Variants in ATP2B3 observed in about 807,000 individuals in gnomAD.
The protein encoded by ATP2B3 is ATPase plasma membrane Ca2+ transporting 3, also known as plasma membrane calcium-transporting ATPase 3.
A neutral mutation model predicts 70.8 loss-of-function variants in ATP2B3; 12 were observed. The ratio of observed to expected loss-of-function variants is 0.17; its 90% CI spans 0.11 to 0.27. The LOEUF is 0.27. ATP2B3 is among the 10% of genes least tolerant of loss of function. ATP2B3 has a pLI of 1.00. For synonymous variants in ATP2B3, 460 were observed against 497.8 expected (o/e 0.92, Z 1.01); for missense variants, 858 against 1,118.5 (o/e 0.77, Z 3.32).
chrX:153,526,006 G>A (rs897218660), intron 2 of ATP2B3, among the ~76,000 whole-genome samples: 22 of 113,118 alleles, frequency 1.9e-4, no homozygotes, highest in African/African-American at 6.7e-4. Context: ...CCAGGCCACC[G>A]CCTGGCCCTC....
intron 12 of ATP2B3, among the ~76,000 whole-genome samples, chrX:153,552,028 G>T (rs782096265): frequency 8.9e-6 from 1 of 112,603 alleles, no homozygotes; most frequent in Non-Finnish European, 1.9e-5. Context: ...CACCCACAGC[G>T]CTCTCCCAGA....
intron 21 of ATP2B3, 51 bp from the exon 22 acceptor site, chrX:153,579,927 C>T (rs1557022223): frequency 1.8e-6 from 2 of 1,084,441 alleles, no homozygotes; most frequent in Non-Finnish European, 2.5e-6. Flanking sequence ...CCCTTCCTTT[C>T]CTCCCTCCCT....
At chrX:153,555,030 AAGG>A (rs782034435) in intron 13 of ATP2B3, among the ~76,000 whole-genome samples, 30 of 112,325 alleles carry the variant, frequency 2.7e-4, no homozygotes, top group African/African-American at 9.4e-4. Flanking sequence ...CGCTGGCTCA[AAGG>A]AGAATTGTCT....
chrX:153,526,681 C>T (rs1470924841), intron 2 of ATP2B3, among the ~76,000 whole-genome samples: 1 of 112,002 alleles, frequency 8.9e-6, no homozygotes, highest in Non-Finnish European at 1.9e-5. Context: ...CTTCCTCCAT[C>T]ACCACATTTG....
In ATP2B3 at chrX:153,536,419, G is replaced by A. The variant is rs1210021854; in HGVS notation, c.172G>A (p.Gly58Arg). The change falls in exon 3 of 22, where the codon GGG becomes AGG. Residue 58 changes from glycine to arginine, a missense_variant. Transcript: ENST00000263519. ...KIEEAYGDVS[G>R]LCRRLKTSPT... ...CGAGGAGGCCTACGGGGATGTCAGC[G>A]GGCTCTGCCGGAGGCTGAAGACCTC... is the stretch of plus-strand genomic sequence containing the variant. 3 of 1,202,479 alleles carry A rather than the reference G, an allele frequency of 2.5e-6. No homozygotes were observed. Among genetic ancestry groups the A allele is most frequent in the Non-Finnish European group, 3.4e-6 (3 of 891,868 alleles).
intron 7 of ATP2B3, among the ~76,000 whole-genome samples, chrX:153,543,384 C>T (rs1465918032): frequency 4.4e-5 from 5 of 112,617 alleles, no homozygotes; most frequent in Non-Finnish European, 7.5e-5. Context: ...GTGCCGTGGA[C>T]GGGGAGTTTC....
chrX:153,565,495 AC>A (rs1237617047), intron 21 of ATP2B3, among the ~76,000 whole-genome samples: 1 of 112,648 alleles, frequency 8.9e-6, no homozygotes, highest in Non-Finnish European at 1.9e-5. Flanking sequence ...CCCATTTCAA[AC>A]AGCCACCAGC....
intron 2 of ATP2B3, among the ~76,000 whole-genome samples, chrX:153,531,453 C>T (rs1243927175): frequency 3.5e-5 from 4 of 113,333 alleles, no homozygotes; most frequent in Non-Finnish European, 5.6e-5. Context: ...TAGTGAGTCA[C>T]GTCGCTGAGT....
chrX:153,529,745 C>T (rs782381494), intron 2 of ATP2B3, among the ~76,000 whole-genome samples: 60 of 111,834 alleles, frequency 5.4e-4, no homozygotes, highest in Non-Finnish European at 8.5e-4. Context: ...TGGCACCCAC[C>T]CTTCCACTGT....
rs781951711 is a variant in ATP2B3, at chrX:153,580,130, C to T, written c.3495C>T (p.Asp1165=). The change falls in exon 22 of 22, where the codon GAC becomes GAT. Residue 1165 remains aspartate (D), a synonymous_variant. Coordinates refer to ENST00000263519, the MANE Select transcript of ATP2B3 (RefSeq NM_001001344.3). ...CGCTCATTGACGACACGGACGTGGA[C>T]GAGAACGAGGAGCGCCTCCGGGCCC... ...NIPLIDDTDV[D]ENEERLRAPP... 2.1e-5 allele frequency: 25 copies of T among 1,210,691 alleles called. No individual in the cohort carries two copies. The highest frequency in any genetic ancestry group is 2.5e-5 in the Non-Finnish European group (22 of 895,382).
chrX:153,559,683 T>C, intron 17 of ATP2B3, 46 bp from the exon 18 acceptor site: 2 of 1,165,607 alleles, frequency 1.7e-6, no homozygotes, highest in South Asian at 3.6e-5. Context: ...CCCCCAACCT[T>C]CCCGGGCAGG....
At position 153,548,008 on chromosome X, in the gene ATP2B3, A is replaced by G; in HGVS notation, c.1123+9A>G. 1 of 1,194,678 alleles carries G rather than the reference A, an allele frequency of 8.4e-7. No individual in the cohort carries two copies. The highest frequency in any genetic ancestry group is 1.1e-6 in the Non-Finnish European group (1 of 885,748). The stretch of plus-strand genomic sequence containing the variant: ...GCAGATCGGGAAAGCAGGTAGGGAC[A>G]GCAGGAGGTGGTGGGCCCAGGCCAT... On this transcript the variant is annotated intron_variant, in intron 9 of 21. Coordinates refer to ENST00000263519, the MANE Select transcript of ATP2B3 (RefSeq NM_001001344.3).
At chrX:153,536,801 TG>T (rs2090198614) in intron 3 of ATP2B3, among the ~76,000 whole-genome samples, 1 of 112,238 alleles carries the variant, frequency 8.9e-6, no homozygotes, top group South Asian at 3.7e-4. Flanking sequence ...TCTGTATATT[TG>T]GGGATTTCCG....
intron 3 of ATP2B3, among the ~76,000 whole-genome samples, chrX:153,537,677 G>A (rs2090213733): frequency 8.9e-6 from 1 of 112,353 alleles, no homozygotes; most frequent in South Asian, 3.6e-4. Flanking sequence ...TGCTGGGGCT[G>A]ATGCCTTGGC....
chrX:153,536,307 T>G lies in ATP2B3; in HGVS notation c.60T>G (p.Asp20Glu). The G allele has an allele frequency of 8.3e-7, 1 of 1,200,217 alleles. No homozygotes were observed. The highest frequency in any genetic ancestry group is 1.1e-6 in the Non-Finnish European group (1 of 889,725). ...ACCCCAAGCCCCAGCAGCAGCGGGA[T>G]GTCCCCCAGGCTGGAGGCTTTGGGT... ...EFHPKPQQQR[D>E]VPQAGGFGCT... The change falls in exon 3 of 22, where the codon GAT (aspartate) becomes GAG (glutamate). Residue 20 changes from aspartate to glutamate, a missense_variant. Around this residue, in one of 5 missense-constraint regions of ATP2B3, gnomAD observed 278 missense variants for 366.2 expected, o/e 0.76. Coordinates refer to ENST00000263519, the MANE Select transcript of ATP2B3 (RefSeq NM_001001344.3).
chrX:153,553,319 C>T (rs375079619), intron 13 of ATP2B3, 50 bp downstream of exon 13: 13 of 1,091,240 alleles, frequency 1.2e-5, no homozygotes, highest in South Asian at 2.0e-5. Context: ...GCCCTCTGCC[C>T]GAGCTTGTCC....
At chrX:153,575,843 G>T (rs1038270082) in intron 21 of ATP2B3, among the ~76,000 whole-genome samples, 105 of 111,257 alleles carry the variant, frequency 9.4e-4, no homozygotes, top group African/African-American at 3.3e-3. Flanking sequence ...ACAGCGCTGG[G>T]GGACTGTGAG....
rs1220384655 is a variant in ATP2B3, at chrX:153,581,189, C to T, written c.*891C>T. The T allele has an allele frequency of 9.1e-6, 1 of 109,657 alleles. No homozygotes were observed. The highest frequency in any genetic ancestry group is 1.9e-5 in the Non-Finnish European group (1 of 52,563). The allele number at this position is 109,657 out of a possible 1,213,427, so 9.0% of individuals were successfully genotyped here. A position where few individuals can be genotyped will look rare whatever the true frequency, so the allele number is the denominator to read the frequency against. ...CCACCTTTCGCTCCTGCCCTCTGCC[C>T]GGCCCTACTGAGATTCCCAAGGAGA... On this transcript the variant is annotated 3_prime_UTR_variant, in exon 22 of 22. Transcript: ENST00000263519.
Position 153,541,711 on chromosome X carries a change from C to T in ATP2B3, c.449C>T (p.Ala150Val). ...GGAGGCGCAGAAGATGAGGGCGAGG[C>T]CGAAGCTGGCTGGATCGAGGGGGCT... is the stretch of plus-strand genomic sequence containing the variant. Reference protein sequence around the residue: ...VSGGAEDEGEAEAGWIEGAAI... With the variant: ...VSGGAEDEGEVEAGWIEGAAI... Residue 150 changes from alanine (A) to valine (V), a missense_variant, in exon 5 of 22, where the codon GCC becomes GTC. This residue lies in a region of ATP2B3 where 278 missense variants were observed against 366.2 expected (regional missense o/e 0.76). Coordinates refer to ENST00000263519, the MANE Select transcript of ATP2B3 (RefSeq NM_001001344.3). The T allele has an allele frequency of 8.3e-7, 1 of 1,211,485 alleles. No individual in the cohort carries two copies. Among genetic ancestry groups the T allele is most frequent in the African/African-American group, 1.7e-5 (1 of 57,802 alleles).
Sources: gnomAD v4.1 joint callset for allele counts (sites outside exome capture counted in the v4.1 genomes callset) on GRCh38, gnomAD v4.1.1 for gene constraint, gnomAD v4.1.1 regional missense constraint, MANE v1.5 for transcripts, NCBI Gene and HGNC (gene_info 2026-07-23, HGNC 2026-07-21) for gene names.